The following ELAVL4 variants were observed in gnomAD, a reference collection of about 807,000 sequenced individuals.
ELAVL4 encodes ELAV-like protein 4.
Under a neutral mutation model 35.6 loss-of-function variants are expected in ELAVL4, and 1 was observed. The observed-to-expected ratio is 0.03, with a 90% CI of 0.01 to 0.13. ELAVL4 has a LOEUF of 0.13. Ranked by LOEUF, ELAVL4 falls within the 10% of genes least tolerant of loss-of-function variation. The pLI, the probability that ELAVL4 is intolerant of heterozygous loss-of-function variation, is 1.00. For synonymous variants in ELAVL4, 156 were observed against 171.0 expected (o/e 0.91, Z 0.69); for missense variants, 267 against 464.9 (o/e 0.57, Z 3.91).
intron 1 of ELAVL4, among the ~76,000 whole-genome samples, chr1:50,136,056 G>A (rs1671831216): frequency 6.6e-6 from 1 of 152,072 alleles, no homozygotes; most frequent in Non-Finnish European, 1.5e-5. Context: ...TAACCTGAAG[G>A]GACTTGAGCG....
At position 50,198,540 on chromosome 1, in the gene ELAVL4, C is replaced by T. The variant is rs1421274729; in HGVS notation, c.773+1073C>T. 2.0e-5 allele frequency among the ~76,000 whole-genome samples: 3 copies of T among 152,198 alleles called. No homozygotes were observed. The East Asian group carries it at 5.8e-4, about 29-fold the overall frequency. ...CAGACTTCACTATCAGAGGACCGGCCTTTCAAATCTCAATCCCAGCATCAA... is the reference window on the plus strand; with the variant it reads ...CAGACTTCACTATCAGAGGACCGGCTTTTCAAATCTCAATCCCAGCATCAA... On this transcript the variant is annotated intron_variant, in intron 6 of 6. Transcript: ENST00000371824.
chr1:50,137,299 GT>G (rs1411447664), intron 1 of ELAVL4, among the ~76,000 whole-genome samples: 1 of 152,134 alleles, frequency 6.6e-6, no homozygotes, highest in Non-Finnish European at 1.5e-5. Context: ...CTCCTCCACT[GT>G]GAGGAGGGGG....
At chr1:50,160,376 C>A (rs927071107) in intron 2 of ELAVL4, among the ~76,000 whole-genome samples, 4 of 152,160 alleles carry the variant, frequency 2.6e-5, no homozygotes, top group African/African-American at 9.7e-5. Flanking sequence ...TTCCTACCTG[C>A]AAGTTAAATA....
At chr1:50,087,835 A>C (rs1240801384) in intron 1 of ELAVL4, among the ~76,000 whole-genome samples, 1 of 152,236 alleles carries the variant, frequency 6.6e-6, no homozygotes, top group South Asian at 2.1e-4. Context: ...GAACCCAACC[A>C]TGCTGGCACC....
rs375718899 is a variant in ELAVL4, at chr1:50,118,884, G to A, written c.9+9686G>A. On this transcript the variant is annotated intron_variant, in intron 1 of 6. Transcript: ENST00000371824. Reference sequence around the variant, plus strand: ...AATGTAATCCTTAAAGTAGGGGAAGGGGTTATTAGTTGATCTGATATCCCA... The same window carrying A: ...AATGTAATCCTTAAAGTAGGGGAAGAGGTTATTAGTTGATCTGATATCCCA... 7.2e-4 allele frequency among the ~76,000 whole-genome samples: 106 copies of A among 146,584 alleles called. 2 individuals carry two copies. The South Asian group carries it at 9.0e-3, about 12-fold the overall frequency.
rs1389474492 is a variant in ELAVL4, at chr1:50,203,269, G to A, written c.*2091G>A. The A allele has an allele frequency of 6.6e-6, 1 of 152,162 alleles. No individual in the cohort carries two copies. Among genetic ancestry groups the A allele is most frequent in the Admixed American group, 6.5e-5 (1 of 15,276 alleles). 9.4% of individuals were successfully genotyped at this position (152,162 alleles called of 1,614,324 possible). A position where few individuals can be genotyped will look rare whatever the true frequency, so the allele number is the denominator to read the frequency against. On this transcript the variant is annotated 3_prime_UTR_variant, in exon 7 of 7. Coordinates refer to ENST00000371824, the MANE Select transcript of ELAVL4 (RefSeq NM_001144774.3). ...GAACCCACTAAGTGCATGTAGACAGGACTGTTGTTTTCACACTGAAAAGGC... is the reference window on the plus strand; with the variant it reads ...GAACCCACTAAGTGCATGTAGACAGAACTGTTGTTTTCACACTGAAAAGGC...
chr1:50,175,834 A>G (rs922749228), intron 2 of ELAVL4: 3 of 152,276 alleles, frequency 2.0e-5, no homozygotes, highest in African/African-American at 7.2e-5. Context: ...TCACCAGGAC[A>G]TGGCAGGCTT....
intron 2 of ELAVL4, among the ~76,000 whole-genome samples, chr1:50,146,051 T>C (rs1483104510): frequency 3.3e-5 from 5 of 152,180 alleles, no homozygotes; most frequent in Admixed American, 3.3e-4. Flanking sequence ...GATACTCCAC[T>C]CCTGAAATCA....
intron 1 of ELAVL4, among the ~76,000 whole-genome samples, chr1:50,137,380 T>G (rs534750587): frequency 1.3e-5 from 2 of 151,624 alleles, no homozygotes; most frequent in East Asian, 3.9e-4. Context: ...GAGTGGAGGA[T>G]GGAAGGAGGT....
intron 1 of ELAVL4, among the ~76,000 whole-genome samples, chr1:50,070,872 T>C (rs1641428302): frequency 2.0e-5 from 3 of 152,172 alleles, no homozygotes; most frequent in Admixed American, 2.0e-4. Flanking sequence ...GTTGGTGGAA[T>C]AAATAAGATC....
intron 1 of ELAVL4, among the ~76,000 whole-genome samples, chr1:50,121,240 C>G (rs1011153534): frequency 1.3e-5 from 2 of 151,980 alleles, no homozygotes; most frequent in Non-Finnish European, 2.9e-5. Flanking sequence ...GACCTTCAGT[C>G]TCTTAATATG....
At chr1:50,092,948 T>A (rs1665558101) in intron 1 of ELAVL4, among the ~76,000 whole-genome samples, 1 of 152,170 alleles carries the variant, frequency 6.6e-6, no homozygotes, top group Non-Finnish European at 1.5e-5. Context: ...AGAGCTCAAA[T>A]AGGGAACCAT....
intron 2 of ELAVL4, among the ~76,000 whole-genome samples, chr1:50,172,107 G>A (rs773641986): frequency 2.6e-5 from 4 of 152,282 alleles, no homozygotes; most frequent in South Asian, 2.1e-4. Context: ...AAAGAGCAAG[G>A]TGTGCAGATT....
intron 1 of ELAVL4, among the ~76,000 whole-genome samples, chr1:50,093,603 T>C (rs1246061183): frequency 3.3e-5 from 5 of 152,196 alleles, no homozygotes; most frequent in African/African-American, 1.2e-4. Flanking sequence ...CTCCTTGCAC[T>C]CTCAAAAATA....
At chr1:50,149,028 T>C (rs759177181) in intron 2 of ELAVL4, among the ~76,000 whole-genome samples, 1 of 152,076 alleles carries the variant, frequency 6.6e-6, no homozygotes, top group African/African-American at 2.4e-5. Context: ...TTCTTTGCCT[T>C]TTTTGCATTT....
intron 5 of ELAVL4, among the ~76,000 whole-genome samples, chr1:50,196,533 G>C (rs1342865098): frequency 6.6e-6 from 1 of 152,196 alleles, no homozygotes; most frequent in African/African-American, 2.4e-5. Context: ...CCACAGCCCA[G>C]CTTCCCTTTG....
intron 1 of ELAVL4, among the ~76,000 whole-genome samples, chr1:50,075,750 A>C (rs937836278): frequency 6.6e-6 from 1 of 152,198 alleles, no homozygotes; most frequent in African/African-American, 2.4e-5. Flanking sequence ...ATCTTGATGA[A>C]CCCGTCATAA....
rs377455193 is a variant in ELAVL4 at position 50,056,605 on chromosome 1, T to C, written c.18+8423T>C. Among the ~76,000 whole-genome samples, 63 of 152,298 alleles carry C rather than the reference T, an allele frequency of 4.1e-4. 1 individual carries two copies. In the South Asian group the frequency reaches 0.01, roughly 25 times the overall value. On this transcript the variant is annotated intron_variant, in intron 1 of 6. Transcript: ENST00000448907. Reference sequence around the variant, plus strand: ...TGTTAATACATTACTAGGTAACTGGTTTATGCATTTACTATACTATATTTT... The same window carrying C: ...TGTTAATACATTACTAGGTAACTGGCTTATGCATTTACTATACTATATTTT...
intron 3 of ELAVL4, among the ~76,000 whole-genome samples, chr1:50,182,474 G>A (rs1407642514): frequency 6.6e-6 from 1 of 152,198 alleles, no homozygotes; most frequent in Non-Finnish European, 1.5e-5. Flanking sequence ...ACACAGACAT[G>A]CAAAGGACCA....
Sources: gnomAD v4.1 joint callset for allele counts (sites outside exome capture counted in the v4.1 genomes callset) on GRCh38, gnomAD v4.1.1 for gene constraint, MANE v1.5 for transcripts, NCBI Gene and HGNC (gene_info 2026-07-23, HGNC 2026-07-21) for gene names.